The following CACNA2D3 variants were observed in gnomAD, a reference collection of about 807,000 sequenced individuals.
The protein encoded by CACNA2D3 is voltage-dependent calcium channel subunit alpha-2/delta-3.
In CACNA2D3, 60 loss-of-function variants were observed where a neutral mutation model predicts 160.6. The ratio of observed to expected loss-of-function variants is 0.37; its 90% CI spans 0.30 to 0.46. The LOEUF is 0.46. Among genes scored for constraint, CACNA2D3 ranks in the 20% least tolerant of loss-of-function variants. The pLI, the probability that CACNA2D3 is intolerant of heterozygous loss-of-function variation, is 1.00. For missense variants in CACNA2D3, 1,205 were observed against 1,365.0 expected (o/e 0.88, Z 1.85); for synonymous variants, 558 against 492.9 (o/e 1.13, Z -1.75).
chr3:55,039,385 C>A (rs1174266121), intron 35 of CACNA2D3, among the ~76,000 whole-genome samples: 1 of 152,102 alleles, frequency 6.6e-6, no homozygotes, highest in Non-Finnish European at 1.5e-5. Context: ...TCTTTTTGAC[C>A]TTTTAATGGT....
rs760804053 is a variant in CACNA2D3 at position 54,716,320 on chromosome 3, T to C, written c.1168-36279T>C. 4.6e-5 allele frequency among the ~76,000 whole-genome samples: 7 copies of C among 152,156 alleles called. No individual in the cohort carries two copies. The South Asian group carries it at 6.2e-4, about 14-fold the overall frequency. On this transcript the variant is annotated intron_variant, in intron 11 of 37. Coordinates refer to ENST00000474759, the MANE Select transcript of CACNA2D3 (RefSeq NM_018398.3). ...CAGGAAAAAGAGACACAGGCCACAG[T>C]AGTATGTGTGGCCGATACCTTTTCT...
intron 35 of CACNA2D3, among the ~76,000 whole-genome samples, chr3:55,033,584 G>GTATATATATA (rs36230201): frequency 1.8e-5 from 2 of 112,806 alleles, no homozygotes; most frequent in East Asian, 2.2e-4. Context: ...ATGTGTGTGT[G>GTATATATATA]TATATATATA....
intron 16 of CACNA2D3, among the ~76,000 whole-genome samples, chr3:54,840,270 G>T (rs1698790193): frequency 6.6e-6 from 1 of 152,088 alleles, no homozygotes; most frequent in Non-Finnish European, 1.5e-5. Context: ...GCAATGTGCA[G>T]AGCTCTTTAT....
chr3:54,350,932 G>A (rs1698540867), intron 3 of CACNA2D3, among the ~76,000 whole-genome samples: 1 of 130,872 alleles, frequency 7.6e-6, no homozygotes, highest in Non-Finnish European at 1.6e-5. Flanking sequence ...TAGGTCAGAT[G>A]TTTCCATACT....
intron 3 of CACNA2D3, among the ~76,000 whole-genome samples, chr3:54,366,483 A>C (rs1698829648): frequency 6.6e-6 from 1 of 152,242 alleles, no homozygotes; most frequent in Non-Finnish European, 1.5e-5. Flanking sequence ...CAAATGTAAA[A>C]TACATTTTTC....
chr3:54,244,968 T>C (rs758658363), intron 2 of CACNA2D3, among the ~76,000 whole-genome samples: 14 of 152,212 alleles, frequency 9.2e-5, no homozygotes, highest in African/African-American at 1.4e-4. Flanking sequence ...GAACAAGAAC[T>C]CAAGAAAAAT....
At chr3:54,293,961 G>A (rs56320866) in intron 2 of CACNA2D3, among the ~76,000 whole-genome samples, 31,139 of 152,134 alleles carry the variant, frequency 0.2, 3,347 homozygotes, top group South Asian at 0.25. Flanking sequence ...CATGCTTGGG[G>A]GTAGTGGAAG....
chr3:54,971,772 A>C (rs1038783824), intron 29 of CACNA2D3, among the ~76,000 whole-genome samples: 3 of 152,192 alleles, frequency 2.0e-5, no homozygotes, highest in African/African-American at 7.2e-5. Context: ...TGGTGGTTAA[A>C]GGCAAAACTA....
intron 5 of CACNA2D3, among the ~76,000 whole-genome samples, chr3:54,549,524 C>T (rs920192684): frequency 6.6e-6 from 1 of 152,162 alleles, no homozygotes; most frequent in Non-Finnish European, 1.5e-5. Flanking sequence ...TTCAAATGTC[C>T]ATAATCCCCT....
intron 27 of CACNA2D3, among the ~76,000 whole-genome samples, chr3:54,931,541 G>A (rs1197260917): frequency 6.6e-6 from 1 of 152,170 alleles, no homozygotes; most frequent in African/African-American, 2.4e-5. Flanking sequence ...GATGCTGAAT[G>A]CAGCTCAGGC....
At chr3:54,635,580 G>A (rs1275672939) in intron 10 of CACNA2D3, among the ~76,000 whole-genome samples, 4 of 152,024 alleles carry the variant, frequency 2.6e-5, no homozygotes, top group South Asian at 2.1e-4. Context: ...CTATACAGGA[G>A]CTTAAATGGG....
intron 11 of CACNA2D3, among the ~76,000 whole-genome samples, chr3:54,733,232 G>A (rs542770777): frequency 1.3e-5 from 2 of 152,350 alleles, no homozygotes; most frequent in South Asian, 4.1e-4. Context: ...CACCTCAGCA[G>A]CTGTGTCCCC....
intron 3 of CACNA2D3, among the ~76,000 whole-genome samples, chr3:54,375,147 C>T (rs1342034098): frequency 2.0e-5 from 3 of 152,100 alleles, no homozygotes; most frequent in Non-Finnish European, 2.9e-5. Flanking sequence ...CTCCTTGTAC[C>T]CCGTAAGCCT....
chr3:54,982,056 A>C (rs533091608), intron 29 of CACNA2D3, among the ~76,000 whole-genome samples: 1 of 152,218 alleles, frequency 6.6e-6, no homozygotes, highest in Non-Finnish European at 1.5e-5. Flanking sequence ...GTTTTCTGGC[A>C]GTCCCATCAG....
intron 24 of CACNA2D3, among the ~76,000 whole-genome samples, chr3:54,888,689 A>C (rs570434821): frequency 6.8e-6 from 1 of 147,238 alleles, no homozygotes; most frequent in East Asian, 1.9e-4. Context: ...GTTCTTCCTT[A>C]GTTCATTCCC....
chr3:54,822,790 C>CTTTTTT (rs1491160047), intron 14 of CACNA2D3, among the ~76,000 whole-genome samples: 1 of 71,912 alleles, frequency 1.4e-5, no homozygotes, highest in African/African-American at 5.8e-5. Flanking sequence ...TTCTTTCTTT[C>CTTTTTT]CTTTCTTTCT....
At chr3:54,756,920 G>A (rs1701981973) in intron 12 of CACNA2D3, among the ~76,000 whole-genome samples, 1 of 152,150 alleles carries the variant, frequency 6.6e-6, no homozygotes, top group South Asian at 2.1e-4. Flanking sequence ...TTATGCATAA[G>A]TAGGTCCTGT....
intron 5 of CACNA2D3, among the ~76,000 whole-genome samples, chr3:54,540,869 T>C (rs1334095657): frequency 6.6e-6 from 1 of 152,162 alleles, no homozygotes; most frequent in African/African-American, 2.4e-5. Context: ...ATTCATTCCA[T>C]AGCAGTAACC....
intron 4 of CACNA2D3, among the ~76,000 whole-genome samples, chr3:54,488,046 A>C (rs1312036356): frequency 6.6e-6 from 1 of 152,236 alleles, no homozygotes; most frequent in African/African-American, 2.4e-5. Flanking sequence ...CAAAGGTCTT[A>C]GGGGAATAGG....
Sources: allele counts gnomAD v4.1 joint callset (sites outside exome capture counted in the v4.1 genomes callset), GRCh38; gene constraint gnomAD v4.1.1; transcripts MANE v1.5; gene names NCBI Gene and HGNC (gene_info 2026-07-23, HGNC 2026-07-21).